BPNT2: variants seen among roughly 807,000 people sequenced by gnomAD.
The protein encoded by BPNT2 is 3'(2'), 5'-bisphosphate nucleotidase 2.
BPNT2 carries 11 observed loss-of-function variants against 29.3 expected under a neutral mutation model. The observed-to-expected ratio is 0.38, with a 90% CI of 0.24 to 0.62. BPNT2 has a LOEUF of 0.62. BPNT2 is among the 20% of genes least tolerant of loss of function. The probability of loss-of-function intolerance (pLI) is 0.62; values close to 1 mark genes in which losing one functional copy is unlikely to be tolerated. For synonymous variants in BPNT2, 195 were observed against 187.7 expected, an observed-to-expected ratio of 1.04 and a Z score of -0.32; for missense variants, 459 against 473.4, an observed-to-expected ratio of 0.97 and a Z score of 0.28.
chr8:56,992,908 C>A (rs1467764599), intron 1 of BPNT2, among the ~76,000 whole-genome samples: 2 of 152,114 alleles, frequency 1.3e-5, no homozygotes, highest in African/African-American at 4.8e-5. Flanking sequence ...CCTGAAGCTG[C>A]GGGTGCAATT....
rs921915052 is a variant in BPNT2, at chr8:56,993,696, G to A, written c.-111C>T. 2 of 1,031,060 alleles carry A rather than the reference G, an allele frequency of 1.9e-6. No individual in the cohort carries two copies. Among genetic ancestry groups the A allele is most frequent in the Admixed American group, 5.6e-5 (1 of 17,800 alleles). The allele number at this position is 1,031,060 out of a possible 1,614,324, so 63.9% of individuals were successfully genotyped here. A position where few individuals can be genotyped will look rare whatever the true frequency, so the allele number is the denominator to read the frequency against. ...GGCCAGGCGCCGCGCGGGCTACACTGGCGCCCGCTCCCCGGCCCCGGTGCG... is the reference window on the plus strand; with the variant it reads ...GGCCAGGCGCCGCGCGGGCTACACTAGCGCCCGCTCCCCGGCCCCGGTGCG... On this transcript the variant is annotated 5_prime_UTR_variant, in exon 1 of 5. Coordinates refer to ENST00000262644, the MANE Select transcript of BPNT2 (RefSeq NM_017813.5).
rs1210207801 is a variant in BPNT2 at position 56,958,362 on chromosome 8, T to C, written c.*5431A>G. The C allele has an allele frequency of 6.6e-6, 1 of 152,074 alleles. No individual in the cohort carries two copies. Among genetic ancestry groups the C allele is most frequent in the Non-Finnish European group, 1.5e-5 (1 of 68,028 alleles). The allele number at this position is 152,074 out of a possible 1,614,324, so 9.4% of individuals were successfully genotyped here. ...AGAGATGGTGCTTGCAGGTAAAAAC[T>C]GCTCTGAAACCATGGGGAGAGAAGA... On this transcript the variant is annotated 3_prime_UTR_variant, in exon 5 of 5. Transcript: ENST00000262644.
Position 56,961,996 on chromosome 8 carries a change from G to C in BPNT2, c.*1797C>G, listed in dbSNP as rs541505236. 6.6e-6 allele frequency: 1 copy of C among 152,180 alleles called. No individual in the cohort carries two copies. Among genetic ancestry groups the C allele is most frequent in the South Asian group, 2.1e-4 (1 of 4,818 alleles). 9.4% of individuals were successfully genotyped at this position (152,180 alleles called of 1,614,324 possible). A position where few individuals can be genotyped will look rare whatever the true frequency, so the allele number is the denominator to read the frequency against. ...ATAAAAACAGATGCTTATACCACAG[G>C]ACTCTGGCAACAGCATATACCTTTG... On this transcript the variant is annotated 3_prime_UTR_variant, in exon 5 of 5. Coordinates refer to ENST00000262644, the MANE Select transcript of BPNT2 (RefSeq NM_017813.5).
chr8:56,965,355 G>C (rs1215895222), intron 4 of BPNT2, among the ~76,000 whole-genome samples: 2 of 152,048 alleles, frequency 1.3e-5, no homozygotes, highest in Admixed American at 1.3e-4. Context: ...AAACAAAAAA[G>C]AAGTATTACT....
chr8:56,980,356 TG>T (rs1451807020), intron 1 of BPNT2, among the ~76,000 whole-genome samples, 159 bp from the exon 2 acceptor site: 2 of 150,404 alleles, frequency 1.3e-5, no homozygotes, highest in Non-Finnish European at 3.0e-5. Context: ...AAAATGAAAA[TG>T]AAAAAAAAAA....
At position 56,958,947 on chromosome 8, in the gene BPNT2, A is replaced by C. The variant is rs1805783369; in HGVS notation, c.*4846T>G. ...GAGGGGATGAAATATTTTTTGGTTA[A>C]TTGATGTAATGATGACTCACTATGC... On this transcript the variant is annotated 3_prime_UTR_variant, in exon 5 of 5. Coordinates refer to ENST00000262644, the MANE Select transcript of BPNT2 (RefSeq NM_017813.5). 6.6e-6 allele frequency: 1 copy of C among 152,224 alleles called. No homozygotes were observed. The highest frequency in any genetic ancestry group is 6.5e-5 in the Admixed American group (1 of 15,282). The allele number at this position is 152,224 out of a possible 1,614,324, so 9.4% of individuals were successfully genotyped here.
At chr8:56,990,947 A>G (rs1165758455) in intron 1 of BPNT2, among the ~76,000 whole-genome samples, 1 of 152,208 alleles carries the variant, frequency 6.6e-6, no homozygotes, top group East Asian at 1.9e-4. Flanking sequence ...TTGCTTCTCA[A>G]TGGTCTTTTT....
intron 3 of BPNT2, among the ~76,000 whole-genome samples, chr8:56,968,534 G>GT (rs1190614418): frequency 6.6e-6 from 1 of 152,196 alleles, no homozygotes; most frequent in Non-Finnish European, 1.5e-5. Flanking sequence ...TCTGGGCTCA[G>GT]TGGCTTGTGC....
chr8:56,987,798 G>A (rs576951647), intron 1 of BPNT2, among the ~76,000 whole-genome samples: 5 of 146,920 alleles, frequency 3.4e-5, no homozygotes, highest in African/African-American at 1.3e-4. Flanking sequence ...GTGTGATCTC[G>A]GCTCACTGCA....
At chr8:56,969,302 T>C (rs918086179) in intron 3 of BPNT2, among the ~76,000 whole-genome samples, 1 of 152,216 alleles carries the variant, frequency 6.6e-6, no homozygotes, top group African/African-American at 2.4e-5. Flanking sequence ...TAGACAAAGT[T>C]GTTAGCATGT....
intron 3 of BPNT2, among the ~76,000 whole-genome samples, chr8:56,975,068 T>C (rs887661710): frequency 2.0e-5 from 3 of 152,286 alleles, no homozygotes; most frequent in Admixed American, 1.3e-4. Context: ...GTTTAATGGA[T>C]AGGACTTCAA....
At position 56,978,044 on chromosome 8, in the gene BPNT2, T is replaced by G; in HGVS notation, c.646+6A>C. On this transcript the variant is annotated splice_donor_region_variant and intron_variant, in intron 3 of 4. Transcript: ENST00000262644. ...TAATTCTTGAAAGTTCTAGCAAATT[T>G]CATACCTGTATATTCGGAAAATGGC... 6.6e-7 allele frequency: 1 copy of G among 1,521,590 alleles called. No homozygotes were observed. The highest frequency in any genetic ancestry group is 9.1e-7 in the Non-Finnish European group (1 of 1,096,208). The allele number at this position is 1,521,590 out of a possible 1,614,324, so 94.3% of individuals were successfully genotyped here.
chr8:56,982,821 C>T (rs573398463), intron 1 of BPNT2, among the ~76,000 whole-genome samples: 1 of 152,202 alleles, frequency 6.6e-6, no homozygotes, highest in East Asian at 1.9e-4. Flanking sequence ...CAGAAAACTA[C>T]TAATTCCATC....
In BPNT2 at chr8:56,993,138, G is replaced by C. The variant is rs13256360; in HGVS notation, c.387+61C>G. 108,926 of 1,552,240 alleles carry C rather than the reference G, an allele frequency of 0.07. 4,877 individuals carry two copies. The highest frequency in any genetic ancestry group is 0.22 in the East Asian group (9,161 of 41,804). On this transcript the variant is annotated intron_variant, in intron 1 of 4. Coordinates refer to ENST00000262644, the MANE Select transcript of BPNT2 (RefSeq NM_017813.5). ...GAAGCTCCACATCCCATACTGTTAA[G>C]AGTCGACGGGCCGAGACGCGCTACC...
At chr8:56,992,462 G>A (rs546361858) in intron 1 of BPNT2, among the ~76,000 whole-genome samples, 2 of 152,122 alleles carry the variant, frequency 1.3e-5, no homozygotes, top group Non-Finnish European at 2.9e-5. Context: ...AATCCAAAAT[G>A]TCTGGATTTC....
In BPNT2 at chr8:56,958,009, A is replaced by G. The variant is rs1239198348; in HGVS notation, c.*5784T>C. The G allele has an allele frequency of 6.6e-6, 1 of 152,118 alleles. No homozygotes were observed. Among genetic ancestry groups the G allele is most frequent in the Non-Finnish European group, 1.5e-5 (1 of 68,024 alleles). 9.4% of individuals were successfully genotyped at this position (152,118 alleles called of 1,614,324 possible). A position where few individuals can be genotyped will look rare whatever the true frequency, so the allele number is the denominator to read the frequency against. On this transcript the variant is annotated 3_prime_UTR_variant, in exon 5 of 5. Transcript: ENST00000262644. ...ATATCCGGGGCAGAGAGTTTGGGAT[A>G]ATTATGTCATTGGAAGCAATCACAT...
At position 56,993,375 on chromosome 8, in the gene BPNT2, C is replaced by A. The variant is rs745537127; in HGVS notation, c.211G>T (p.Val71Leu). Residue 71 changes from valine (V) to leucine (L), a missense_variant, in exon 1 of 5, where the codon GTG becomes TTG. Transcript: ENST00000262644. The stretch of plus-strand genomic sequence containing the variant: ...TCGCCGCCGCGGACTGCGGCCAGCA[C>A]TGACACAGCCAGCATCTCGCGCAAG... ...VDLREMLAVS[V>L]LAAVRGGDEV... is the part of the protein sequence containing the mutation. 28 of 1,609,342 alleles carry A rather than the reference C, an allele frequency of 1.7e-5. No homozygotes were observed. Among genetic ancestry groups the A allele is most frequent in the African/African-American group, 2.7e-5 (2 of 74,898 alleles).
At chr8:56,972,052 G>A (rs907919562) in intron 3 of BPNT2, among the ~76,000 whole-genome samples, 10 of 150,894 alleles carry the variant, frequency 6.6e-5, no homozygotes, top group Admixed American at 4.6e-4. Flanking sequence ...CTGAGATCAC[G>A]CCACTGCACT....
chr8:56,978,927 A>G (rs1193210882), intron 2 of BPNT2, among the ~76,000 whole-genome samples: 1 of 152,202 alleles, frequency 6.6e-6, no homozygotes, highest in Non-Finnish European at 1.5e-5. Flanking sequence ...ATCAGGAAAA[A>G]TAACTAATGG....
Sources: gnomAD v4.1 joint callset for allele counts (sites outside exome capture counted in the v4.1 genomes callset) on GRCh38, gnomAD v4.1.1 for gene constraint, MANE v1.5 for transcripts, NCBI Gene and HGNC (gene_info 2026-07-23, HGNC 2026-07-21) for gene names.